The following GLIS3 variants were observed in gnomAD, a reference collection of about 807,000 sequenced individuals.
GLIS3 encodes the protein GLIS family zinc finger 3, also known as zinc finger protein GLIS3.
GLIS3 carries 53 observed loss-of-function variants against 78.6 expected under a neutral mutation model. The observed-to-expected ratio is 0.67, with a 90% CI of 0.54 to 0.85. The LOEUF (loss-of-function observed/expected upper bound fraction) is 0.85. GLIS3 is among the 40% of genes least tolerant of loss of function. The pLI is 0.00. For missense variants in GLIS3, 1,703 were observed against 1,231.1 expected, an observed-to-expected ratio of 1.38 and a Z score of -5.74; for synonymous variants, 684 against 509.9, an observed-to-expected ratio of 1.34 and a Z score of -4.60.
intron 2 of GLIS3, among the ~76,000 whole-genome samples, chr9:4,188,208 G>C (rs10974380): frequency 3.0e-4 from 45 of 150,852 alleles, no homozygotes; most frequent in East Asian, 1.6e-3. Context: ...TAGCATGAAG[G>C]GTTGTTGAAT....
At chr9:3,950,419 T>C (rs1406864297) in intron 4 of GLIS3, among the ~76,000 whole-genome samples, 1 of 152,248 alleles carries the variant, frequency 6.6e-6, no homozygotes, top group East Asian at 1.9e-4. Flanking sequence ...TACATCTTGC[T>C]TGATGTGGCT....
intron 4 of GLIS3, among the ~76,000 whole-genome samples, chr9:3,943,982 C>T (rs1489251744): frequency 6.6e-6 from 1 of 152,310 alleles, no homozygotes; most frequent in African/African-American, 2.4e-5. Flanking sequence ...ATAAATACAA[C>T]TTCCTGGCTT....
At position 4,109,685 on chromosome 9, in the gene GLIS3, G is replaced by A. The variant is rs532440379; in HGVS notation, c.1710+8083C>T. Among the ~76,000 whole-genome samples the A allele has an allele frequency of 1.9e-4, 29 of 152,170 alleles. No individual in the cohort carries two copies. The South Asian group carries it at 5.8e-3, about 30-fold the overall frequency. ...CTAGATTTGCATTTATATTAACTAGGTTTCCAATTCCTAAACATGATCCCT... is the reference window on the plus strand; with the variant it reads ...CTAGATTTGCATTTATATTAACTAGATTTCCAATTCCTAAACATGATCCCT... On this transcript the variant is annotated intron_variant, in intron 4 of 10. Transcript: ENST00000381971.
intron 9 of GLIS3, among the ~76,000 whole-genome samples, chr9:3,840,423 T>C (rs1319580869): frequency 6.6e-6 from 1 of 152,186 alleles, no homozygotes; most frequent in Non-Finnish European, 1.5e-5. Context: ...GTATAAAAAC[T>C]GACTCTTCAT....
the GLIS3 span, among the ~76,000 whole-genome samples, chr9:4,470,866 G>A: frequency 2.0e-5 from 3 of 151,872 alleles, no homozygotes; most frequent in Non-Finnish European, 4.4e-5. Context: ...CATTGTCTCA[G>A]CCCAAAATCT....
In GLIS3 at chr9:3,968,796, C is replaced by G. The variant is rs566566958; in HGVS notation, c.1711-31607G>C. ...TTCATTATTACTCCTAAAAGAAATT[C>G]AATCTTTAATTCTGGAAAAGAAAGT... On this transcript the variant is annotated intron_variant, in intron 4 of 10. Coordinates refer to ENST00000381971, the MANE Select transcript of GLIS3 (RefSeq NM_001042413.2). 1.5e-3 allele frequency among the ~76,000 whole-genome samples: 236 copies of G among 152,268 alleles called. 1 individual carries two copies. Among genetic ancestry groups the G allele is most frequent in the African/African-American group, 5.5e-3 (229 of 41,546 alleles).
intron 5 of GLIS3, among the ~76,000 whole-genome samples, chr9:3,936,040 T>C (rs1039708373): frequency 2.0e-5 from 3 of 152,252 alleles, no homozygotes; most frequent in Non-Finnish European, 4.4e-5. Flanking sequence ...TAAATATGTA[T>C]GAGAAGGTGT....
In GLIS3 at chr9:3,962,947, G is replaced by GA. The variant is rs1491544416; in HGVS notation, c.1711-25759_1711-25758insT. Among the ~76,000 whole-genome samples, 225 of 56,734 alleles carry GA rather than the reference G, an allele frequency of 4.0e-3. 1 individual carries two copies. The highest frequency in any genetic ancestry group is 0.018 in the African/African-American group (212 of 11,610). The allele number at this position is 56,734 out of a possible 152,430, so 37.2% of individuals were successfully genotyped here. A position where few individuals can be genotyped will look rare whatever the true frequency, so the allele number is the denominator to read the frequency against. ...TCCAACAAGATCTGCTGTGATTTAA[G>GA]GGGGGGGGGGGGAGAGAGATTTATT... On this transcript the variant is annotated intron_variant, in intron 4 of 10. Coordinates refer to ENST00000381971, the MANE Select transcript of GLIS3 (RefSeq NM_001042413.2).
chr9:3,964,219 C>G (rs1235184758), intron 4 of GLIS3, among the ~76,000 whole-genome samples: 12 of 152,198 alleles, frequency 7.9e-5, no homozygotes, highest in African/African-American at 2.9e-4. Flanking sequence ...CTCAGTCTCT[C>G]ACATAGCCTT....
chr9:4,059,730 A>G (rs1038117599), intron 4 of GLIS3, among the ~76,000 whole-genome samples: 4 of 151,962 alleles, frequency 2.6e-5, no homozygotes, highest in African/African-American at 9.7e-5. Context: ...TCCTCTTGCC[A>G]GCACTTTGCC....
chr9:4,394,449 G>A, the GLIS3 span, among the ~76,000 whole-genome samples: 1 of 152,004 alleles, frequency 6.6e-6, no homozygotes, highest in African/African-American at 2.4e-5. Flanking sequence ...TGGGATCTGT[G>A]CATCAAATAT....
chr9:4,368,650 C>G, the GLIS3 span, among the ~76,000 whole-genome samples: 1 of 152,230 alleles, frequency 6.6e-6, no homozygotes, highest in Non-Finnish European at 1.5e-5. Flanking sequence ...TGCGCCCGGC[C>G]TGCACAAGAC....
At chr9:4,429,578 C>T in the GLIS3 span, among the ~76,000 whole-genome samples, 14 of 152,234 alleles carry the variant, frequency 9.2e-5, no homozygotes, top group African/African-American at 3.4e-4. Flanking sequence ...CTAAGGTGAT[C>T]CACTTCATAG....
intron 4 of GLIS3, among the ~76,000 whole-genome samples, chr9:3,980,909 T>G (rs1819222119): frequency 6.6e-6 from 1 of 152,224 alleles, no homozygotes; most frequent in South Asian, 2.1e-4. Context: ...CACTTGGCAT[T>G]TCAATGAGCG....
At chr9:4,216,084 T>G (rs1034154324) in intron 2 of GLIS3, among the ~76,000 whole-genome samples, 2 of 152,088 alleles carry the variant, frequency 1.3e-5, no homozygotes, top group Non-Finnish European at 2.9e-5. Context: ...CAGAGAAGAT[T>G]GTTTAAAAAA....
At chr9:4,458,900 C>T in the GLIS3 span, among the ~76,000 whole-genome samples, 1 of 152,146 alleles carries the variant, frequency 6.6e-6, no homozygotes, top group Non-Finnish European at 1.5e-5. Context: ...CAAAGACAAG[C>T]AAGGGGACCA....
the GLIS3 span, among the ~76,000 whole-genome samples, chr9:4,445,749 A>G: frequency 1.5e-4 from 23 of 152,202 alleles, no homozygotes; most frequent in Admixed American, 1.5e-3. Flanking sequence ...GCGCAACTCA[A>G]ACTTTCCATG....
At chr9:4,306,851 G>A (rs749322662) in intron 4 of GLIS3, among the ~76,000 whole-genome samples, 14 of 152,214 alleles carry the variant, frequency 9.2e-5, no homozygotes, top group Non-Finnish European at 2.1e-4. Flanking sequence ...GCTGATATAA[G>A]CAACAGAAGT....
Position 4,328,165 on chromosome 9 carries a change from C to T in GLIS3, n.265-17637G>A, listed in dbSNP as rs138305444. Among the ~76,000 whole-genome samples the T allele has an allele frequency of 1.3e-3, 200 of 152,258 alleles. 4 individuals carry two copies. The South Asian group carries it at 0.025, about 19-fold the overall frequency. On this transcript the variant is annotated intron_variant and non_coding_transcript_variant, in intron 2 of 4. Coordinates refer to the GLIS3 transcript ENST00000471664. Reference sequence around the variant, plus strand: ...GGGATCCAGTGCCAGTAAGTCATGTCCTGTTAGAATCTGCCCCAAGACCCG... The same window carrying T: ...GGGATCCAGTGCCAGTAAGTCATGTTCTGTTAGAATCTGCCCCAAGACCCG...
Sources: allele counts gnomAD v4.1 joint callset (sites outside exome capture counted in the v4.1 genomes callset), GRCh38; gene constraint gnomAD v4.1.1; transcripts MANE v1.5; gene names NCBI Gene and HGNC (gene_info 2026-07-23, HGNC 2026-07-21).